MMD2: variants seen among roughly 807,000 people sequenced by gnomAD.
The protein encoded by MMD2 is monocyte to macrophage differentiation factor 2.
MMD2 carries 30 observed loss-of-function variants against 33.5 expected under a neutral mutation model. The observed-to-expected ratio is 0.90, with a 90% CI of 0.67 to 1.22. MMD2 has a LOEUF of 1.22. Among genes scored for constraint, MMD2 ranks in the 50% most tolerant of loss-of-function variants. The pLI, the probability that MMD2 is intolerant of heterozygous loss-of-function variation, is 0.00. For missense variants in MMD2, 364 were observed against 325.4 expected (o/e 1.12, Z -0.91); for synonymous variants, 129 against 123.0 (o/e 1.05, Z -0.32).
Position 4,934,095 on chromosome 7 carries a change from A to T in MMD2, c.48-8563T>A, listed in dbSNP as rs187437412. Among the ~76,000 whole-genome samples the T allele has an allele frequency of 7.8e-4, 119 of 151,990 alleles. 1 individual carries two copies. Among genetic ancestry groups the T allele is most frequent in the Admixed American group, 4.3e-3 (65 of 15,244 alleles). On this transcript the variant is annotated intron_variant, in intron 1 of 6. Transcript: ENST00000401401. ...CAGGCATCCGCCACCACACCCAGCTAATTTTTGAATTTTGACTACAGATGA... is the reference window on the plus strand; with the variant it reads ...CAGGCATCCGCCACCACACCCAGCTTATTTTTGAATTTTGACTACAGATGA...
intron 2 of MMD2, among the ~76,000 whole-genome samples, chr7:4,922,375 G>C (rs941621166): frequency 3.9e-5 from 6 of 152,192 alleles, no homozygotes; most frequent in Non-Finnish European, 8.8e-5. Context: ...TTTGAGACCA[G>C]TCTGGTCAAC....
chr7:4,942,320 G>C (rs769173855), intron 1 of MMD2, among the ~76,000 whole-genome samples: 2 of 150,868 alleles, frequency 1.3e-5, no homozygotes, highest in African/African-American at 4.9e-5. Context: ...GGCTGTTCTC[G>C]AATACCTGGC....
chr7:4,937,993 TCTTTC>T (rs1278093687), intron 1 of MMD2, among the ~76,000 whole-genome samples: 104 of 110,788 alleles, frequency 9.4e-4, no homozygotes, highest in East Asian at 1.3e-3. Flanking sequence ...TTTCTTTTTT[TCTTTC>T]TTTCTTTTTT....
chr7:4,901,589 C>G (rs994607133), downstream of MMD2, among the ~76,000 whole-genome samples: 2 of 152,240 alleles, frequency 1.3e-5, no homozygotes, highest in African/African-American at 4.8e-5. Context: ...GTCTTGCACA[C>G]TGGTCTGTGG....
chr7:4,915,935 T>G, intron 4 of MMD2, 70 bp downstream of exon 4: 1 of 1,501,184 alleles, frequency 6.7e-7, no homozygotes, highest in South Asian at 1.1e-5. Context: ...CCCAGCCAAA[T>G]AGAAAAATAA....
chr7:4,895,787 G>T, the MMD2 span, among the ~76,000 whole-genome samples: 1 of 151,868 alleles, frequency 6.6e-6, no homozygotes, highest in Non-Finnish European at 1.5e-5. Context: ...GCCCATCTTG[G>T]CCTCCCAAAG....
chr7:4,936,260 GA>G (rs1265734504), intron 1 of MMD2, among the ~76,000 whole-genome samples: 1 of 149,276 alleles, frequency 6.7e-6, no homozygotes, highest in Non-Finnish European at 1.5e-5. Flanking sequence ...AAAATCAAAT[GA>G]AAAAAATCAA....
At chr7:4,920,068 T>C (rs1403775943) in intron 3 of MMD2, 103 bp downstream of exon 3, 42 of 1,319,442 alleles carry the variant, frequency 3.2e-5, no homozygotes, top group South Asian at 1.6e-4. Context: ...CAGTGGAGAA[T>C]GTCACCAGGC....
intron 1 of MMD2, among the ~76,000 whole-genome samples, chr7:4,950,497 C>T (rs147311252): frequency 5.2e-4 from 79 of 152,276 alleles, no homozygotes; most frequent in African/African-American, 1.8e-3. Context: ...ACTAATTCTT[C>T]ATTCCCTACC....
At chr7:4,905,909 C>CAT (rs397840526), downstream of MMD2, 3 of 152,948 alleles carry the variant, frequency 2.0e-5, no homozygotes, top group Non-Finnish European at 4.4e-5. The surrounding 1 kb of genome is among the most constrained non-coding windows in gnomAD (Gnocchi z 5.0). Flanking sequence ...CACACACACA[C>CAT]GCACATATAC....
chr7:4,925,563 C>G (rs757566284), intron 1 of MMD2, 31 bp from the exon 2 acceptor site: 3 of 1,531,174 alleles, frequency 2.0e-6, no homozygotes, highest in Non-Finnish European at 2.6e-6. Context: ...CCAGGAAGCT[C>G]CGCTGGGCAA....
the MMD2 span, among the ~76,000 whole-genome samples, chr7:4,896,768 C>A: frequency 3.9e-5 from 6 of 152,134 alleles, no homozygotes; most frequent in East Asian, 9.6e-4. Flanking sequence ...TTCTAAATAC[C>A]CCATTTTGTT....
intron 6 of MMD2, among the ~76,000 whole-genome samples, chr7:4,908,318 T>G (rs928689862): frequency 4.0e-5 from 6 of 151,750 alleles, no homozygotes; most frequent in Non-Finnish European, 7.4e-5. Context: ...ATTTTTGTAT[T>G]TTTAGTAGAG....
At chr7:4,911,089 G>A in intron 5 of MMD2, 56 bp downstream of exon 5, 1 of 1,413,982 alleles carries the variant, frequency 7.1e-7, no homozygotes, top group Non-Finnish European at 9.8e-7. Flanking sequence ...GAGTGCTGGG[G>A]AGGCCAGAGC....
At chr7:4,912,427 T>C (rs1011770330) in intron 4 of MMD2, among the ~76,000 whole-genome samples, 7 of 149,608 alleles carry the variant, frequency 4.7e-5, no homozygotes, top group African/African-American at 1.7e-4. Context: ...CCAGGCGTGG[T>C]GTCGGGCGCC....
At chr7:4,911,330 T>G in intron 4 of MMD2, 84 bp from the exon 5 acceptor site, 3 of 1,143,162 alleles carry the variant, frequency 2.6e-6, no homozygotes, top group Middle Eastern at 2.1e-4. Flanking sequence ...TCACAGGAAA[T>G]GGACCCCAGG....
At position 4,946,614 on chromosome 7, in the gene MMD2, C is replaced by G. The variant is rs1786094229; in HGVS notation, c.47+12357G>C. 6.6e-6 allele frequency among the ~76,000 whole-genome samples: 1 copy of G among 152,190 alleles called. No homozygotes were observed. The highest frequency in any genetic ancestry group is 6.5e-5 in the Admixed American group (1 of 15,276). On this transcript the variant is annotated intron_variant, in intron 1 of 6. Transcript: ENST00000401401. The surrounding 1 kb of genome is among the most constrained non-coding windows in gnomAD (Gnocchi z 5.0). The stretch of plus-strand genomic sequence containing the variant: ...TGCTGAAAAGGACCTCAGTATCTCT[C>G]ATCCCAGGGGTTACCTTAGAGCCCT...
chr7:4,954,813 T>C (rs1786341183), intron 1 of MMD2, among the ~76,000 whole-genome samples: 1 of 152,242 alleles, frequency 6.6e-6, no homozygotes, highest in Non-Finnish European at 1.5e-5. Flanking sequence ...GTTCAAAAGT[T>C]ATTCTTTTAT....
intron 1 of MMD2, among the ~76,000 whole-genome samples, chr7:4,937,139 T>C (rs1785763445): frequency 6.6e-6 from 1 of 151,344 alleles, no homozygotes; most frequent in Non-Finnish European, 1.5e-5. Context: ...GGCTCATGCC[T>C]GCAATCCAGC....
Sources: allele counts gnomAD v4.1 joint callset (sites outside exome capture counted in the v4.1 genomes callset), GRCh38; gene constraint gnomAD v4.1.1; non-coding constraint Gnocchi (gnomAD v3.1); transcripts MANE v1.5; gene names NCBI Gene and HGNC (gene_info 2026-07-23, HGNC 2026-07-21).